The following BAALC variants were observed in gnomAD, a reference collection of about 807,000 sequenced individuals.
BAALC encodes the protein BAALC binder of MAP3K1 and KLF4.
Under a neutral mutation model 15.5 loss-of-function variants are expected in BAALC, and 9 were observed. The ratio of observed to expected loss-of-function variants is 0.58; its 90% CI spans 0.35 to 1.02. The LOEUF (loss-of-function observed/expected upper bound fraction) is 1.02, where lower values mean the gene tolerates loss of function less well. Ranked by LOEUF, BAALC falls within the 50% of genes least tolerant of loss-of-function variation. BAALC has a pLI of 0.02. For missense variants in BAALC, 201 were observed against 192.4 expected (o/e 1.04, Z -0.27); for synonymous variants, 80 against 74.6 (o/e 1.07, Z -0.37).
At chr8:103,191,218 C>T (rs552239023) in intron 1 of BAALC, 1 of 151,600 alleles carries the variant, frequency 6.6e-6, no homozygotes, top group Admixed American at 6.6e-5. Context: ...AAGTTGAAAA[C>T]AGACGTGGTT....
At chr8:103,159,120 G>A (rs901653605) in intron 1 of BAALC, among the ~76,000 whole-genome samples, 3 of 152,058 alleles carry the variant, frequency 2.0e-5, no homozygotes, top group Non-Finnish European at 2.9e-5. Flanking sequence ...TAGGCTTGAC[G>A]GAATTCTGGT....
intron 1 of BAALC, 37 bp downstream of exon 1, chr8:103,141,094 G>C (rs1444449283): frequency 3.8e-5 from 53 of 1,395,942 alleles, no homozygotes; most frequent in Non-Finnish European, 4.9e-5. Context: ...TCGCCCGCCC[G>C]CTACCCCGGG....
intron 1 of BAALC, among the ~76,000 whole-genome samples, chr8:103,148,481 G>A (rs1244247360): frequency 6.6e-6 from 1 of 152,222 alleles, no homozygotes; most frequent in Non-Finnish European, 1.5e-5. Context: ...GCACATCATG[G>A]AGAATGGGGT....
intron 1 of BAALC, among the ~76,000 whole-genome samples, chr8:103,204,198 T>C (rs1346998749): frequency 6.6e-6 from 1 of 152,220 alleles, no homozygotes; most frequent in Non-Finnish European, 1.5e-5. Context: ...TCTTTTCATG[T>C]GTTTATTGGC....
At chr8:103,212,837 C>T in intron 1 of BAALC, 82 bp from the exon 2 acceptor site, 1 of 1,439,320 alleles carries the variant, frequency 6.9e-7, no homozygotes, top group Admixed American at 2.2e-5. Context: ...TTTTGACTAT[C>T]TGTTTCTCCA....
Position 103,212,920 on chromosome 8 carries a change from C to A in BAALC, c.162C>A (p.Gly54=), listed in dbSNP as rs759641642. The change falls in exon 2 of 3, where the codon GGC becomes GGA. Residue 54 remains glycine (G), a splice_region_variant and synonymous_variant. Transcript: ENST00000309982. ...CCATCCTCTGCTTACCTCCCCCAGG[C>A]ATGCTGGAAGATGGACTGCCCTCCA... is the stretch of plus-strand genomic sequence containing the variant. ...SGPEAGGLHS[G]MLEDGLPSNG... The A allele has an allele frequency of 4.3e-6, 7 of 1,612,008 alleles. No homozygotes were observed. Among genetic ancestry groups the A allele is most frequent in the Non-Finnish European group, 8.5e-7 (1 of 1,178,706 alleles).
At chr8:103,178,709 T>C (rs1811657577) in intron 1 of BAALC, among the ~76,000 whole-genome samples, 1 of 151,980 alleles carries the variant, frequency 6.6e-6, no homozygotes, top group African/African-American at 2.4e-5. Context: ...ATACAAAAAT[T>C]AGCTGGGTAT....
At chr8:103,192,697 C>G (rs184986585) in intron 1 of BAALC, among the ~76,000 whole-genome samples, 140 of 152,286 alleles carry the variant, frequency 9.2e-4, no homozygotes, top group African/African-American at 3.1e-3. Context: ...AGGCAGCACC[C>G]CCAAGGCAAG....
intron 2 of BAALC, 115 bp downstream of exon 2, chr8:103,213,200 GAA>G: frequency 8.6e-7 from 1 of 1,158,680 alleles, no homozygotes; most frequent in Non-Finnish European, 1.2e-6. Flanking sequence ...GCTCATCTTG[GAA>G]AAAAAAAGTC....
At chr8:103,219,183 C>T (rs1398254364) in intron 2 of BAALC, among the ~76,000 whole-genome samples, 2 of 152,162 alleles carry the variant, frequency 1.3e-5, no homozygotes, top group Non-Finnish European at 2.9e-5. Context: ...ATTTGTAAGA[C>T]TCGGTATTCA....
At chr8:103,168,507 G>GT (rs1208866671) in intron 1 of BAALC, among the ~76,000 whole-genome samples, 5 of 134,586 alleles carry the variant, frequency 3.7e-5, no homozygotes, top group African/African-American at 1.4e-4. Context: ...AAAAATATGT[G>GT]TTTGTTTTTT....
chr8:103,186,454 T>A (rs1180867547), intron 1 of BAALC, among the ~76,000 whole-genome samples: 1 of 152,204 alleles, frequency 6.6e-6, no homozygotes, highest in Non-Finnish European at 1.5e-5. Context: ...CCCCTCAGCG[T>A]TAGACATAAA....
intron 1 of BAALC, among the ~76,000 whole-genome samples, chr8:103,150,755 T>G (rs1352787759): frequency 1.3e-5 from 2 of 152,208 alleles, no homozygotes; most frequent in Non-Finnish European, 2.9e-5. Context: ...CTGATGCCCT[T>G]TGGCCTGGAT....
chr8:103,155,702 T>A (rs191534284), intron 1 of BAALC, among the ~76,000 whole-genome samples: 49 of 152,330 alleles, frequency 3.2e-4, no homozygotes, highest in Admixed American at 1.0e-3. Flanking sequence ...GCTTCCCTAG[T>A]GGCTGCATAT....
rs757374170 is a variant in BAALC, at chr8:103,140,989, CCGA to C, written c.94_96del (p.Asp32del). On this transcript the variant is annotated inframe_deletion, in exon 1 of 3. Coordinates refer to ENST00000309982, the MANE Select transcript of BAALC (RefSeq NM_024812.3). This position sits in a 1 kb window ranked among gnomAD's most constrained non-coding sequence, Gnocchi z 4.2. ...ACAGAATCCACCTGGCTCACCTACA[CCGA>C]CTCGGACGCGCCGCCCAGCGCCGCC... The C allele has an allele frequency of 1.4e-5, 21 of 1,532,896 alleles. No homozygotes were observed. The highest frequency in any genetic ancestry group is 1.8e-5 in the Non-Finnish European group (20 of 1,140,938). The allele number at this position is 1,532,896 out of a possible 1,614,324, so 95.0% of individuals were successfully genotyped here.
intron 1 of BAALC, among the ~76,000 whole-genome samples, chr8:103,155,553 G>A (rs1811073213): frequency 6.6e-6 from 1 of 152,204 alleles, no homozygotes; most frequent in African/African-American, 2.4e-5. Context: ...CTTGGGTAAG[G>A]TCATTTCCTT....
chr8:103,194,407 T>C (rs1464057566), intron 1 of BAALC, among the ~76,000 whole-genome samples: 1 of 152,196 alleles, frequency 6.6e-6, no homozygotes, highest in Non-Finnish European at 1.5e-5. Context: ...CAAAATGATG[T>C]GAATTTATCA....
At chr8:103,180,001 A>C (rs2129970273) in intron 1 of BAALC, among the ~76,000 whole-genome samples, 1 of 152,214 alleles carries the variant, frequency 6.6e-6, no homozygotes, top group East Asian at 1.9e-4. Flanking sequence ...TGTGAGGCCC[A>C]AAAGTGAATC....
In BAALC at chr8:103,158,896, T is replaced by C. The variant is rs147082059; in HGVS notation, c.160+17839T>C. On this transcript the variant is annotated intron_variant, in intron 1 of 2. Coordinates refer to ENST00000309982, the MANE Select transcript of BAALC (RefSeq NM_024812.3). Reference sequence around the variant, plus strand: ...ACCTGCAGGGAGGGAGGGACAATTGTATTTGAATGTTTAAAAAGTAGATTT... The same window carrying C: ...ACCTGCAGGGAGGGAGGGACAATTGCATTTGAATGTTTAAAAAGTAGATTT... 2.1e-3 allele frequency among the ~76,000 whole-genome samples: 326 copies of C among 152,288 alleles called. 2 individuals carry two copies. Among genetic ancestry groups the C allele is most frequent in the East Asian group, 4.4e-3 (23 of 5,190 alleles).
Sources: gnomAD v4.1 joint callset for allele counts (sites outside exome capture counted in the v4.1 genomes callset) on GRCh38, gnomAD v4.1.1 for gene constraint, Gnocchi (gnomAD v3.1) non-coding constraint, MANE v1.5 for transcripts, NCBI Gene and HGNC (gene_info 2026-07-23, HGNC 2026-07-21) for gene names.